Variants in DZIP3 observed in about 807,000 individuals in gnomAD.
The protein encoded by DZIP3 is DAZ interacting zinc finger protein 3.
A neutral mutation model predicts 162.0 loss-of-function variants in DZIP3; 118 were observed. The observed-to-expected ratio is 0.73, with a 90% CI of 0.63 to 0.85. The LOEUF (loss-of-function observed/expected upper bound fraction) is 0.85. Among genes scored for constraint, DZIP3 ranks in the 40% least tolerant of loss-of-function variants. DZIP3 has a pLI of 0.00. For missense variants in DZIP3, 1,331 were observed against 1,407.0 expected, an observed-to-expected ratio of 0.95 and a Z score of 0.86; for synonymous variants, 438 against 458.6, an observed-to-expected ratio of 0.96 and a Z score of 0.57.
intron 5 of DZIP3, among the ~76,000 whole-genome samples, chr3:108,617,645 T>A (rs1009906412): frequency 6.6e-6 from 1 of 152,076 alleles, no homozygotes; most frequent in African/African-American, 2.4e-5. Flanking sequence ...GACGGAAAAA[T>A]AATACTTATT....
chr3:108,627,272 T>G (rs1345338283), intron 7 of DZIP3, among the ~76,000 whole-genome samples: 1 of 152,218 alleles, frequency 6.6e-6, no homozygotes, highest in Non-Finnish European at 1.5e-5. Context: ...GAGAATTCAT[T>G]TTCCAGATCA....
chr3:108,611,334 C>T lies in DZIP3; in HGVS notation c.258+5C>T, dbSNP rs560783930. The T allele has an allele frequency of 1.6e-4, 250 of 1,610,010 alleles. 5 individuals carry two copies. In the South Asian group the frequency reaches 2.4e-3, roughly 16 times the overall value. ...TTTTCCTTCCAAACTATGCAGGTAACGTCATAAGTTGTTATTTGGGGCAGA... is the reference window on the plus strand; with the variant it reads ...TTTTCCTTCCAAACTATGCAGGTAATGTCATAAGTTGTTATTTGGGGCAGA... On this transcript the variant is annotated splice_donor_5th_base_variant and intron_variant, in intron 4 of 32. Coordinates refer to ENST00000361582, the MANE Select transcript of DZIP3 (RefSeq NM_014648.4).
At chr3:108,677,704 A>G in intron 26 of DZIP3, 106 bp downstream of exon 26, 1 of 968,290 alleles carries the variant, frequency 1.0e-6, no homozygotes, top group Admixed American at 1.8e-5. Context: ...TCAAAATGGA[A>G]TAGGCACATA....
In DZIP3 at chr3:108,627,016, G is replaced by GT. The variant is rs1048056999; in HGVS notation, c.581+1054dup. On this transcript the variant is annotated intron_variant, in intron 7 of 32. Transcript: ENST00000361582. ...TGATATCCTATTCTCTGGCTTGCCTGTTTTTTTACTAGGGTATCCACAAGA... is the reference window on the plus strand; with the variant it reads ...TGATATCCTATTCTCTGGCTTGCCTGTTTTTTTTACTAGGGTATCCACAAGA... Among the ~76,000 whole-genome samples, 4 of 152,258 alleles carry GT rather than the reference G, an allele frequency of 2.6e-5. No individual in the cohort carries two copies. The East Asian group carries it at 5.8e-4, about 22-fold the overall frequency.
At chr3:108,687,148 C>T (rs1944528637) in intron 28 of DZIP3, among the ~76,000 whole-genome samples, 1 of 151,970 alleles carries the variant, frequency 6.6e-6, no homozygotes, top group African/African-American at 2.4e-5. Context: ...GGAAATAATT[C>T]TACTTTTCAC....
At chr3:108,675,460 T>C (rs111261440) in intron 24 of DZIP3, among the ~76,000 whole-genome samples, 1 of 152,034 alleles carries the variant, frequency 6.6e-6, no homozygotes, top group African/African-American at 2.4e-5. Flanking sequence ...CTGTATTAGA[T>C]TACTAAGGCT....
At chr3:108,672,510 A>C (rs562600897) in intron 22 of DZIP3, 50 bp from the exon 23 acceptor site, 1 of 1,438,550 alleles carries the variant, frequency 7.0e-7, no homozygotes, top group Non-Finnish European at 9.7e-7. Context: ...TAGATGAAAA[A>C]GGCTCTGCTT....
chr3:108,636,739 T>C (rs1942166464), intron 11 of DZIP3, 31 bp downstream of exon 11: 2 of 1,383,974 alleles, frequency 1.4e-6, no homozygotes, highest in Non-Finnish European at 2.0e-6. Context: ...TTTTTTTTTT[T>C]TCTTGCTTTC....
At position 108,690,680 on chromosome 3, in the gene DZIP3, A is replaced by T; in HGVS notation, c.3517-107A>T. ...TTGACGATCCACAGCGTAAGGCTTT[A>T]AAGATCCACCAGAAGACATGTTGGT... is the stretch of plus-strand genomic sequence containing the variant. On this transcript the variant is annotated intron_variant, in intron 31 of 32. Coordinates refer to ENST00000361582, the MANE Select transcript of DZIP3 (RefSeq NM_014648.4). 10 of 996,720 alleles carry T rather than the reference A, an allele frequency of 1.0e-5. No homozygotes were observed. The South Asian group carries it at 1.2e-4, about 12-fold the overall frequency. The allele number at this position is 996,720 out of a possible 1,614,324, so 61.7% of individuals were successfully genotyped here.
rs147792154 is a variant in DZIP3 at position 108,652,651 on chromosome 3, C to CAGGT, written c.2033+1490_2033+1491insGGTA. ...AAAGTCTACAGTAGTATACAATACT[C>CAGGT]ACCTCTCATTCACTGACTCACCCAG... is the stretch of plus-strand genomic sequence containing the variant. On this transcript the variant is annotated intron_variant, in intron 18 of 32. Coordinates refer to ENST00000361582, the MANE Select transcript of DZIP3 (RefSeq NM_014648.4). 4.0e-3 allele frequency among the ~76,000 whole-genome samples: 603 copies of CAGGT among 151,966 alleles called. 6 individuals are homozygous for CAGGT. Among genetic ancestry groups the CAGGT allele is most frequent in the African/African-American group, 0.014 (589 of 41,526 alleles).
chr3:108,612,610 T>C (rs1265409969), intron 4 of DZIP3, among the ~76,000 whole-genome samples: 1 of 152,180 alleles, frequency 6.6e-6, no homozygotes, highest in East Asian at 1.9e-4. Flanking sequence ...AAGTCTCTTA[T>C]GTAAAATGAC....
rs181443632 is a variant in DZIP3, at chr3:108,620,865, A to T, written c.376-3579A>T. Among the ~76,000 whole-genome samples, 7 of 152,352 alleles carry T rather than the reference A, an allele frequency of 4.6e-5. 1 individual carries two copies. Among genetic ancestry groups the T allele is most frequent in the African/African-American group, 1.7e-4 (7 of 41,580 alleles). On this transcript the variant is annotated intron_variant, in intron 5 of 32. Transcript: ENST00000361582. The stretch of plus-strand genomic sequence containing the variant: ...GAGATGGAGTCTCACTCTGTCACCC[A>T]GGCTGGAATGCAGTGGCACGATCTC...
Position 108,625,901 on chromosome 3 carries a change from T to C in DZIP3, c.513T>C (p.Asn171=), listed in dbSNP as rs1277187426. ...TGATGAAGATGATGATCCAAGAAAA[T>C]GAAATTTGTGAAAACTTTATGTCTT... is the stretch of plus-strand genomic sequence containing the variant. The part of the protein sequence containing the change: ...FLVMKMMIQE[N]EICENFMSLV... Residue 171 remains asparagine (N), a synonymous_variant, in exon 7 of 33, where the codon AAT becomes AAC. Coordinates refer to ENST00000361582, the MANE Select transcript of DZIP3 (RefSeq NM_014648.4). 2 of 1,613,362 alleles carry C rather than the reference T, an allele frequency of 1.2e-6. No homozygotes were observed. Among genetic ancestry groups the C allele is most frequent in the Non-Finnish European group, 1.7e-6 (2 of 1,179,714 alleles).
chr3:108,606,704 A>G (rs375469446), intron 2 of DZIP3, among the ~76,000 whole-genome samples: 1 of 152,282 alleles, frequency 6.6e-6, no homozygotes, highest in African/African-American at 2.4e-5. Context: ...TATTTTGACT[A>G]TGTTGCTAAG....
intron 18 of DZIP3, 84 bp from the exon 19 acceptor site, chr3:108,654,061 A>G: frequency 2.8e-6 from 4 of 1,432,804 alleles, no homozygotes; most frequent in Non-Finnish European, 3.8e-6. Context: ...TGAAACCAGT[A>G]CAATACTAAC....
intron 9 of DZIP3, among the ~76,000 whole-genome samples, chr3:108,634,140 C>G (rs1942029119): frequency 6.6e-6 from 1 of 151,968 alleles, no homozygotes; most frequent in Non-Finnish European, 1.5e-5. Flanking sequence ...AAGGAGAAGA[C>G]CAAGATCTAT....
rs1000837857 is a variant in DZIP3 at position 108,631,503 on chromosome 3, A to G, written c.697-1450A>G. Among the ~76,000 whole-genome samples the G allele has an allele frequency of 5.3e-5, 8 of 151,210 alleles. 1 individual carries two copies. The highest frequency in any genetic ancestry group is 1.7e-4 in the African/African-American group (7 of 41,160). Reference sequence around the variant, plus strand: ...GCAATTCTTTTCCTTCAGCCTCCCAAGTAGCTGGGACTACAGGCACACGCC... The same window carrying G: ...GCAATTCTTTTCCTTCAGCCTCCCAGGTAGCTGGGACTACAGGCACACGCC... On this transcript the variant is annotated intron_variant, in intron 8 of 32. Transcript: ENST00000361582.
rs1352790980 is a variant in DZIP3 at position 108,637,375 on chromosome 3, G to A, written c.1012-121G>A. 4 of 898,468 alleles carry A rather than the reference G, an allele frequency of 4.5e-6. No homozygotes were observed. The East Asian group carries it at 1.0e-4, about 23-fold the overall frequency. The allele number at this position is 898,468 out of a possible 1,614,324, so 55.7% of individuals were successfully genotyped here. A position where few individuals can be genotyped will look rare whatever the true frequency, so the allele number is the denominator to read the frequency against. ...TTACCTTGTTATTCATGTTTTGTTT[G>A]TTTTATATTCACTGTGGCTTCACTC... On this transcript the variant is annotated intron_variant, in intron 11 of 32. Coordinates refer to ENST00000361582, the MANE Select transcript of DZIP3 (RefSeq NM_014648.4).
Position 108,625,965 on chromosome 3 carries a change from A to G in DZIP3, c.577A>G (p.Lys193Glu). The G allele has an allele frequency of 6.2e-7, 1 of 1,611,324 alleles. No homozygotes were observed. Among genetic ancestry groups the G allele is most frequent in the Non-Finnish European group, 8.5e-7 (1 of 1,179,166 alleles). ...ACGTGGTTTACTGCGATGTGCTCAA[A>G]AGAGGTAAGGATTTTAATTAACGGG... ...FGRGLLRCAQ[K>E]RYNGGLLEFH... The change falls in exon 7 of 33, where the codon AAG (lysine) becomes GAG (glutamate). Residue 193 changes from lysine to glutamate, a missense_variant. Around this residue, in one of 2 missense-constraint regions of DZIP3, gnomAD observed 1,278 missense variants for 1,317.1 expected, o/e 0.97. Transcript: ENST00000361582.
Sources: allele counts gnomAD v4.1 joint callset (sites outside exome capture counted in the v4.1 genomes callset), GRCh38; gene constraint gnomAD v4.1.1; regional missense constraint gnomAD v4.1.1; transcripts MANE v1.5; gene names NCBI Gene and HGNC (gene_info 2026-07-23, HGNC 2026-07-21).